The following SYP variants were observed in gnomAD, a reference collection of about 807,000 sequenced individuals.
SYP encodes major synaptic vesicle protein P38.
Under a neutral mutation model 24.3 loss-of-function variants are expected in SYP, and 2 were observed. The observed-to-expected ratio is 0.08, with a 90% CI of 0.03 to 0.26. The LOEUF is 0.26. SYP is among the 10% of genes least tolerant of loss of function. SYP has a pLI of 1.00. For missense variants in SYP, 216 were observed against 266.3 expected (o/e 0.81, Z 1.32); for synonymous variants, 143 against 123.2 (o/e 1.16, Z -1.07).
Position 49,197,611 on chromosome X carries a change from G to C in SYP, c.227+104C>G. ...CAGTGATCCCAGTGGATGTAGCCTC[G>C]AGGTGGGAGCTGGGCAGGAGCTACT... On this transcript the variant is annotated intron_variant, in intron 3 of 6. Coordinates refer to ENST00000263233, the MANE Select transcript of SYP (RefSeq NM_003179.3). 3 of 1,095,981 alleles carry C rather than the reference G, an allele frequency of 2.7e-6. No individual in the cohort carries two copies. In the South Asian group the frequency reaches 6.2e-5, roughly 23 times the overall value. The allele number at this position is 1,095,981 out of a possible 1,213,427, so 90.3% of individuals were successfully genotyped here. A position where few individuals can be genotyped will look rare whatever the true frequency, so the allele number is the denominator to read the frequency against.
At chrX:49,191,249 C>T in intron 6 of SYP, 184 bp downstream of exon 6, 1 of 500,691 alleles carries the variant, frequency 2.0e-6, no homozygotes, top group Non-Finnish European at 3.5e-6. Context: ...TTTCTCCATT[C>T]ATTAGCTAGT....
intron 3 of SYP, among the ~76,000 whole-genome samples, chrX:49,195,038 T>C (rs1329455254): frequency 9.0e-6 from 1 of 111,464 alleles, no homozygotes; most frequent in Admixed American, 9.5e-5. Context: ...TGCTCAACTG[T>C]CACCTTCTCA....
chrX:49,191,915 A>T, intron 5 of SYP, 152 bp from the exon 6 acceptor site: 1 of 647,144 alleles, frequency 1.5e-6, no homozygotes, highest in Admixed American at 3.0e-5. Flanking sequence ...GAGAACGTCG[A>T]TGTGCAGAAA....
At position 49,199,878 on chromosome X, in the gene SYP, T is replaced by C. The variant is rs181824937; in HGVS notation, c.36+273A>G. ...GCCCTCACTCCAGCCCCCAGGCCCC[T>C]ATTCCTCCCCTCGCGGTCGCCAGTA... On this transcript the variant is annotated intron_variant, in intron 1 of 6. Transcript: ENST00000263233. Among the ~76,000 whole-genome samples, 308 of 107,546 alleles carry C rather than the reference T, an allele frequency of 2.9e-3. 6 individuals are homozygous for C. Among genetic ancestry groups the C allele is most frequent in the East Asian group, 0.023 (78 of 3,366 alleles). 93.4% of individuals were successfully genotyped at this position (107,546 alleles called of 115,157 possible). A position where few individuals can be genotyped will look rare whatever the true frequency, so the allele number is the denominator to read the frequency against.
At position 49,188,266 on chromosome X, in the gene SYP, G is replaced by A. The variant is rs2147879276; in HGVS notation, c.*1021C>T. The A allele has an allele frequency of 9.0e-6, 1 of 111,423 alleles. No homozygotes were observed. Among genetic ancestry groups the A allele is most frequent in the South Asian group, 3.7e-4 (1 of 2,675 alleles). The allele number at this position is 111,423 out of a possible 1,213,427, so 9.2% of individuals were successfully genotyped here. A position where few individuals can be genotyped will look rare whatever the true frequency, so the allele number is the denominator to read the frequency against. On this transcript the variant is annotated 3_prime_UTR_variant, in exon 7 of 7. Coordinates refer to ENST00000263233, the MANE Select transcript of SYP (RefSeq NM_003179.3). The stretch of plus-strand genomic sequence containing the variant: ...CAGGCCACTTCCGTCCCAAGTCGTA[G>A]CCAGAGCCATTCTCCCCCACCCCTA...
At position 49,188,845 on chromosome X, in the gene SYP, CGGCCTTTGT is replaced by C. The variant is rs2065496545; in HGVS notation, c.*433_*441del. 1 of 111,579 alleles carries C rather than the reference CGGCCTTTGT, an allele frequency of 9.0e-6. No homozygotes were observed. Among genetic ancestry groups the C allele is most frequent in the African/African-American group, 3.3e-5 (1 of 30,532 alleles). 9.2% of individuals were successfully genotyped at this position (111,579 alleles called of 1,213,427 possible). On this transcript the variant is annotated 3_prime_UTR_variant, in exon 7 of 7. Coordinates refer to ENST00000263233, the MANE Select transcript of SYP (RefSeq NM_003179.3). ...TAACCCTGGAGTTGGATTTCCCTAA[CGGCCTTTGT>C]TCAGGCAGGCATTGCTGGAGGAACC...
At chrX:49,200,078 T>TC in intron 1 of SYP, 73 bp downstream of exon 1, 1 of 1,135,405 alleles carries the variant, frequency 8.8e-7, no homozygotes, top group Non-Finnish European at 1.2e-6. Context: ...CCTCCCAGAG[T>TC]CGGCTGGCCT....
intron 5 of SYP, among the ~76,000 whole-genome samples, chrX:49,192,314 C>T (rs1001760182): frequency 3.6e-5 from 4 of 111,672 alleles, no homozygotes. Flanking sequence ...CCTGCCTCAG[C>T]CTCCCGAGTA....
At chrX:49,195,655 T>C (rs1265048921) in intron 3 of SYP, among the ~76,000 whole-genome samples, 1 of 110,266 alleles carries the variant, frequency 9.1e-6, no homozygotes, top group Non-Finnish European at 1.9e-5. Flanking sequence ...AGAGAGAAAA[T>C]GTCTGTGGGA....
chrX:49,200,032 G>A (rs1442995752), intron 1 of SYP, 119 bp downstream of exon 1: 7 of 922,448 alleles, frequency 7.6e-6, no homozygotes, highest in Non-Finnish European at 1.1e-5. Flanking sequence ...CCCCAGCGCC[G>A]GGGACCGGGT....
rs1831919761 is a variant in SYP at position 49,191,443 on chromosome X, C to T, written c.936G>A (p.Gln312=). Residue 312 remains glutamine, a synonymous_variant, in exon 6 of 7, where the codon CAG becomes CAA. Coordinates refer to ENST00000263233, the MANE Select transcript of SYP (RefSeq NM_003179.3). ...PQGAPTSFSN[Q]M ...TCGCCGGTCACTCACCAGACTACAT[C>T]TGATTGGAGAAGGAGGTGGGTGCAC... is the stretch of plus-strand genomic sequence containing the variant. The T allele has an allele frequency of 8.3e-7, 1 of 1,211,355 alleles. No homozygotes were observed. Among genetic ancestry groups the T allele is most frequent in the Non-Finnish European group, 1.1e-6 (1 of 895,319 alleles).
rs1371918526 is a variant in SYP at position 49,197,750 on chromosome X, G to A, written c.192C>T (p.Asp64=). ...ACTCGAACTCGACCTCGATGCTGAG[G>A]TCACTCTCGGTCTTGTTGGCACAAT... is the stretch of plus-strand genomic sequence containing the variant. ...SVDCANKTES[D]LSIEVEFEYP... is the part of the protein sequence containing the mutation. The change falls in exon 3 of 7, where the codon GAC becomes GAT. Residue 64 remains aspartate, a synonymous_variant. Transcript: ENST00000263233. 1.5e-5 allele frequency: 18 copies of A among 1,206,564 alleles called. No individual in the cohort carries two copies. Among genetic ancestry groups the A allele is most frequent in the Non-Finnish European group, 1.6e-5 (14 of 893,242 alleles).
chrX:49,197,119 G>T lies in SYP; in HGVS notation c.227+596C>A, dbSNP rs1403292221. 7 of 110,219 alleles carry T rather than the reference G, an allele frequency of 6.4e-5. No individual in the cohort carries two copies. The Admixed American group carries it at 6.8e-4, about 11-fold the overall frequency. The allele number at this position is 110,219 out of a possible 1,213,427, so 9.1% of individuals were successfully genotyped here. The stretch of plus-strand genomic sequence containing the variant: ...CTGCCTCAGCCTCCTGAGTAGCCGG[G>T]ATTACAGGCATGCATGACCACGCCT... On this transcript the variant is annotated intron_variant, in intron 3 of 6. Transcript: ENST00000263233.
At chrX:49,191,162 C>T (rs2293945) in intron 6 of SYP, 241,980 of 409,759 alleles carry the variant, frequency 0.59, 51,956 homozygotes, top group Non-Finnish European at 0.67. Context: ...TCTCTCCCCC[C>T]GCCTTTCCGC....
Position 49,191,520 on chromosome X carries a change from T to C in SYP, c.859A>G (p.Ser287Gly). 8.3e-7 allele frequency: 1 copy of C among 1,210,928 alleles called. No homozygotes were observed. The highest frequency in any genetic ancestry group is 1.1e-6 in the Non-Finnish European group (1 of 895,324). ...DYGQPAGSGGSGYGPQGDYGQ... is the reference protein window; with the variant it reads ...DYGQPAGSGGGGYGPQGDYGQ... ...TAGTCGCCCTGAGGCCCGTAGCCACTGCCACCGCTGCCGGCTGGTTGACCA... is the reference window on the plus strand; with the variant it reads ...TAGTCGCCCTGAGGCCCGTAGCCACCGCCACCGCTGCCGGCTGGTTGACCA... Residue 287 changes from serine (S) to glycine (G), a missense_variant, in exon 6 of 7, where the codon AGT becomes GGT. By Grantham distance (56) the Ser-to-Gly change is moderately conservative (BLOSUM62 0). Coordinates refer to ENST00000263233, the MANE Select transcript of SYP (RefSeq NM_003179.3).
At chrX:49,192,713 T>A (rs1389293014) in intron 5 of SYP, among the ~76,000 whole-genome samples, 1 of 112,072 alleles carries the variant, frequency 8.9e-6, no homozygotes, top group Admixed American at 9.5e-5. Flanking sequence ...AATCTTAGCA[T>A]CTGTAACCCT....
chrX:49,193,147 C>T (rs971972728), intron 5 of SYP, 125 bp downstream of exon 5: 134 of 769,016 alleles, frequency 1.7e-4, no homozygotes, highest in East Asian at 4.5e-4. Flanking sequence ...GTTGTTGGCA[C>T]GCGTTCTTCA....
intron 4 of SYP, 70 bp downstream of exon 4, chrX:49,194,096 T>C: frequency 8.7e-7 from 1 of 1,152,808 alleles, no homozygotes. Context: ...GTGTGGTCTG[T>C]GAGCATGGCT....
Position 49,200,163 on chromosome X carries a change from G to A in SYP, c.24C>T (p.Asp8=). 1 of 1,165,505 alleles carries A rather than the reference G, an allele frequency of 8.6e-7. No homozygotes were observed. The highest frequency in any genetic ancestry group is 1.1e-6 in the Non-Finnish European group (1 of 871,969). Residue 8 remains aspartate (D), a synonymous_variant, in exon 1 of 7, where the codon GAC becomes GAT. Coordinates refer to ENST00000263233, the MANE Select transcript of SYP (RefSeq NM_003179.3). The stretch of plus-strand genomic sequence containing the variant: ...CTGGAGCGCGTACCTGATTCACCAC[G>A]TCCATGTCCGCCAGCAGCAGCATCA... MLLLADM[D]VVNQLVAGGQ...
Sources: gnomAD v4.1 joint callset for allele counts (sites outside exome capture counted in the v4.1 genomes callset) on GRCh38, gnomAD v4.1.1 for gene constraint, MANE v1.5 for transcripts, NCBI Gene and HGNC (gene_info 2026-07-23, HGNC 2026-07-21) for gene names.